Variants in CNTLN observed in about 807,000 individuals in gnomAD.
The protein encoded by CNTLN is centlein, centrosomal protein.
In CNTLN, 212 loss-of-function variants were observed where a neutral mutation model predicts 180.0. The observed-to-expected ratio is 1.18, with a 90% CI of 1.05 to 1.32. The LOEUF is 1.32. CNTLN is among the 40% of genes most tolerant of loss of function. CNTLN has a pLI of 0.00. For synonymous variants in CNTLN, 722 were observed against 563.1 expected (o/e 1.28, Z -3.99); for missense variants, 2,095 against 1,610.9 (o/e 1.30, Z -5.14).
intron 8 of CNTLN, among the ~76,000 whole-genome samples, chr9:17,312,367 T>TATATATATATATATATATATA (rs1819230745): frequency 8.2e-4 from 9 of 10,956 alleles, no homozygotes; most frequent in African/African-American, 1.8e-3. Flanking sequence ...ATATATATTA[T>TATATATATATATATATATATA]ATATATATAT....
chr9:17,406,620 C>T (rs1827413846), intron 15 of CNTLN, among the ~76,000 whole-genome samples: 1 of 151,654 alleles, frequency 6.6e-6, no homozygotes, highest in Non-Finnish European at 1.5e-5. Context: ...CCCCAGTGGT[C>T]CTTAATAATT....
At chr9:17,348,721 G>A (rs1564016693) in intron 12 of CNTLN, among the ~76,000 whole-genome samples, 1 of 151,950 alleles carries the variant, frequency 6.6e-6, no homozygotes, top group Non-Finnish European at 1.5e-5. Context: ...TGTAGAGATG[G>A]GGTTTCACCA....
intron 18 of CNTLN, among the ~76,000 whole-genome samples, chr9:17,450,124 A>G (rs970054883): frequency 5.3e-5 from 8 of 152,192 alleles, no homozygotes; most frequent in African/African-American, 1.7e-4. Flanking sequence ...TATTTCTCTG[A>G]TAGAACCTAA....
intron 18 of CNTLN, among the ~76,000 whole-genome samples, chr9:17,432,341 G>C (rs1829465471): frequency 6.6e-6 from 1 of 152,198 alleles, no homozygotes; most frequent in Non-Finnish European, 1.5e-5. Context: ...AGAGTGTTTA[G>C]AAGTGAAATC....
At chr9:17,171,457 C>T (rs1820415269) in intron 2 of CNTLN, among the ~76,000 whole-genome samples, 1 of 152,156 alleles carries the variant, frequency 6.6e-6, no homozygotes, top group Non-Finnish European at 1.5e-5. Context: ...TGTAGGAGTC[C>T]TCAGCAGCCA....
chr9:17,404,202 C>T (rs1020490859), intron 15 of CNTLN, among the ~76,000 whole-genome samples: 3 of 151,724 alleles, frequency 2.0e-5, no homozygotes, highest in Non-Finnish European at 4.4e-5. Context: ...CAATAGGCTC[C>T]GTTATGGCAC....
intron 5 of CNTLN, among the ~76,000 whole-genome samples, chr9:17,267,627 A>C (rs1448584176): frequency 6.6e-6 from 1 of 152,088 alleles, no homozygotes. Context: ...AATATCCTGC[A>C]GAGTGTTTTC....
chr9:17,483,565 G>T (rs1832752669), intron 23 of CNTLN, among the ~76,000 whole-genome samples: 1 of 152,164 alleles, frequency 6.6e-6, no homozygotes, highest in African/African-American at 2.4e-5. Context: ...TAACTAACCT[G>T]CTCTCAGCTC....
intron 13 of CNTLN, among the ~76,000 whole-genome samples, chr9:17,374,733 C>T (rs1031852159): frequency 6.6e-6 from 1 of 151,952 alleles, no homozygotes; most frequent in Non-Finnish European, 1.5e-5. Context: ...GTGGCACACA[C>T]ACCTGTAATC....
At chr9:17,232,685 C>G (rs1310403933) in intron 3 of CNTLN, among the ~76,000 whole-genome samples, 1 of 151,912 alleles carries the variant, frequency 6.6e-6, no homozygotes, top group East Asian at 1.9e-4. Flanking sequence ...TCTGTAAACA[C>G]TTAACAGTCT....
intron 3 of CNTLN, among the ~76,000 whole-genome samples, chr9:17,228,025 G>T (rs1824582592): frequency 6.6e-6 from 1 of 151,922 alleles, no homozygotes; most frequent in Admixed American, 6.6e-5. Flanking sequence ...AAAAAAATTT[G>T]GCCACCCCAA....
chr9:17,420,667 C>G (rs183136218), intron 18 of CNTLN, among the ~76,000 whole-genome samples: 2 of 151,884 alleles, frequency 1.3e-5, no homozygotes, highest in Admixed American at 1.3e-4. Flanking sequence ...TGAAATTTTT[C>G]TTCTTTTTTG....
At chr9:17,178,546 C>A (rs144411197) in intron 2 of CNTLN, among the ~76,000 whole-genome samples, 1 of 152,078 alleles carries the variant, frequency 6.6e-6, no homozygotes, top group Non-Finnish European at 1.5e-5. Context: ...TCAGGCATGG[C>A]GAATTGCAGG....
At chr9:17,168,150 C>G (rs1563842904) in intron 2 of CNTLN, 1 of 152,086 alleles carries the variant, frequency 6.6e-6, no homozygotes, top group Non-Finnish European at 1.5e-5. Flanking sequence ...GATAATAAGG[C>G]ATGTTGAGTT....
chr9:17,477,055 A>G (rs1245893000), intron 23 of CNTLN, among the ~76,000 whole-genome samples: 2 of 152,144 alleles, frequency 1.3e-5, no homozygotes, highest in Non-Finnish European at 2.9e-5. Flanking sequence ...AAATCCTAGG[A>G]CCCTTAAGAA....
intron 5 of CNTLN, among the ~76,000 whole-genome samples, chr9:17,271,308 C>T (rs1045690344): frequency 3.7e-4 from 56 of 152,120 alleles, no homozygotes; most frequent in Middle Eastern, 3.4e-3. Context: ...ACCAGATTTG[C>T]GGTTCACTGA....
intron 25 of CNTLN, among the ~76,000 whole-genome samples, chr9:17,497,676 G>T (rs1048409753): frequency 6.6e-6 from 1 of 152,112 alleles, no homozygotes; most frequent in Non-Finnish European, 1.5e-5. Context: ...ATTTTTAGCA[G>T]AACTCCAAGA....
chr9:17,455,985 G>A (rs1831090790), intron 18 of CNTLN, among the ~76,000 whole-genome samples: 1 of 152,158 alleles, frequency 6.6e-6, no homozygotes, highest in African/African-American at 2.4e-5. Context: ...GTAGTTTTAG[G>A]AAGTTGTATA....
chr9:17,138,630 A>G (rs776762499), intron 1 of CNTLN, among the ~76,000 whole-genome samples: 6 of 152,164 alleles, frequency 3.9e-5, no homozygotes, highest in Non-Finnish European at 8.8e-5. Context: ...ATTATTTTTC[A>G]TGCTAATAAT....
Sources: gnomAD v4.1 joint callset for allele counts (sites outside exome capture counted in the v4.1 genomes callset) on GRCh38, gnomAD v4.1.1 for gene constraint, MANE v1.5 for transcripts, NCBI Gene and HGNC (gene_info 2026-07-23, HGNC 2026-07-21) for gene names.